Variants in SPAG16 observed in about 807,000 individuals in gnomAD.
SPAG16 encodes the protein sperm-associated antigen 16 protein.
A neutral mutation model predicts 80.4 loss-of-function variants in SPAG16; 86 were observed. The ratio of observed to expected loss-of-function variants is 1.07; its 90% CI spans 0.90 to 1.28. The LOEUF (loss-of-function observed/expected upper bound fraction) is 1.28, where lower values mean the gene tolerates loss of function less well. Among genes scored for constraint, SPAG16 ranks in the 50% most tolerant of loss-of-function variants. The probability of loss-of-function intolerance (pLI) is 0.00; values close to 1 mark genes in which losing one functional copy is unlikely to be tolerated. For missense variants in SPAG16, 870 were observed against 765.3 expected, an observed-to-expected ratio of 1.14 and a Z score of -1.61; for synonymous variants, 294 against 265.9, an observed-to-expected ratio of 1.11 and a Z score of -1.03.
intron 14 of SPAG16, among the ~76,000 whole-genome samples, chr2:214,116,465 T>C (rs374612883): frequency 2.6e-5 from 4 of 152,206 alleles, no homozygotes; most frequent in Admixed American, 2.0e-4. Flanking sequence ...ATGCTGTCTA[T>C]GCAAAGACCT....
intron 15 of SPAG16, among the ~76,000 whole-genome samples, chr2:214,172,238 C>A (rs1420214150): frequency 6.6e-6 from 1 of 151,964 alleles, no homozygotes; most frequent in Non-Finnish European, 1.5e-5. Context: ...AATGCTATCC[C>A]TCCCCACTTC....
rs189964715 is a variant in SPAG16 at position 214,019,168 on chromosome 2, C to A, written c.1527+5091C>A. Among the ~76,000 whole-genome samples the A allele has an allele frequency of 6.4e-4, 98 of 152,108 alleles. 2 individuals are homozygous for A. The highest frequency in any genetic ancestry group is 5.8e-3 in the Admixed American group (89 of 15,254). ...ACTGAATGAGAAATTATAAGGCCTA[C>A]CTAAAGGCAGTAAGAAAAGGCTCAA... On this transcript the variant is annotated intron_variant, in intron 13 of 15. Coordinates refer to ENST00000331683, the MANE Select transcript of SPAG16 (RefSeq NM_024532.5).
intron 10 of SPAG16, among the ~76,000 whole-genome samples, chr2:213,597,325 A>G (rs1466171399): frequency 6.6e-6 from 1 of 152,188 alleles, no homozygotes; most frequent in African/African-American, 2.4e-5. Flanking sequence ...CAAGTTGCTT[A>G]TAGTCTTCCT....
At chr2:214,276,948 T>G (rs1692513084) in intron 15 of SPAG16, among the ~76,000 whole-genome samples, 1 of 152,202 alleles carries the variant, frequency 6.6e-6, no homozygotes. Flanking sequence ...TAGATTTGTT[T>G]TTTTTCACAT....
At chr2:214,362,115 G>GACTT (rs1699227130) in intron 15 of SPAG16, among the ~76,000 whole-genome samples, 1 of 151,838 alleles carries the variant, frequency 6.6e-6, no homozygotes, top group Non-Finnish European at 1.5e-5. Context: ...TCATTGCAGG[G>GACTT]ACTTAGATTC....
intron 14 of SPAG16, among the ~76,000 whole-genome samples, chr2:214,137,849 C>A (rs986704794): frequency 2.6e-5 from 4 of 152,050 alleles, no homozygotes; most frequent in African/African-American, 9.7e-5. Flanking sequence ...CTACATCCAC[C>A]AGTAATACAA....
intron 8 of SPAG16, among the ~76,000 whole-genome samples, chr2:213,367,862 C>T (rs1244190243): frequency 1.1e-4 from 16 of 141,970 alleles, no homozygotes; most frequent in Non-Finnish European, 2.5e-4. Flanking sequence ...AGTCCTTGCC[C>T]ATGCCTATGT....
intron 10 of SPAG16, among the ~76,000 whole-genome samples, chr2:213,536,043 G>A (rs996252090): frequency 2.0e-5 from 3 of 152,122 alleles, no homozygotes; most frequent in African/African-American, 4.8e-5. Context: ...GTATGTGAGT[G>A]TGTGTGCACG....
intron 10 of SPAG16, among the ~76,000 whole-genome samples, chr2:213,520,961 T>C (rs920230404): frequency 1.3e-5 from 2 of 152,054 alleles, no homozygotes; most frequent in Admixed American, 6.6e-5. Flanking sequence ...CATTTTTGGG[T>C]CTTTCTTTGG....
At chr2:213,298,073 A>C (rs1296100153) in intron 3 of SPAG16, among the ~76,000 whole-genome samples, 2 of 152,162 alleles carry the variant, frequency 1.3e-5, no homozygotes, top group Non-Finnish European at 2.9e-5. Context: ...ACTTTACTGC[A>C]TATTATACCA....
At chr2:214,042,007 T>TATATATATATATATATATACAC (rs1371293247) in intron 13 of SPAG16, among the ~76,000 whole-genome samples, 1 of 101,222 alleles carries the variant, frequency 9.9e-6, no homozygotes, top group Non-Finnish European at 1.9e-5. Context: ...TATATATATA[T>TATATATATATATATATATACAC]ACACACACAC....
chr2:213,411,636 CAG>C (rs2068971159), intron 9 of SPAG16, among the ~76,000 whole-genome samples: 1 of 152,180 alleles, frequency 6.6e-6, no homozygotes, highest in African/African-American at 2.4e-5. Flanking sequence ...GCCGGTAACT[CAG>C]GGGTAAATGA....
rs548282571 is a variant in SPAG16, at chr2:214,161,314, A to T, written c.1720+12048A>T. On this transcript the variant is annotated intron_variant, in intron 15 of 15. Transcript: ENST00000331683. ...ATGATTTATATTCCTTTGGATATAT[A>T]CCCAGTAATGGGATTGCTGAATCAA... Among the ~76,000 whole-genome samples, 3 of 152,136 alleles carry T rather than the reference A, an allele frequency of 2.0e-5. No individual in the cohort carries two copies. In the South Asian group the frequency reaches 6.2e-4, roughly 32 times the overall value.
At position 213,815,565 on chromosome 2, in the gene SPAG16, T is replaced by G. The variant is rs527428271; in HGVS notation, c.1071-46920T>G. 3.9e-5 allele frequency among the ~76,000 whole-genome samples: 6 copies of G among 152,184 alleles called. No homozygotes were observed. The East Asian group carries it at 1.2e-3, about 29-fold the overall frequency. On this transcript the variant is annotated intron_variant, in intron 10 of 15. Transcript: ENST00000331683. ...TTATACAATTAGACTCCCATGAGAT[T>G]TTTTAATAAAACAAAACCACAATAG...
rs573815632 is a variant in SPAG16, at chr2:213,433,410, A to T, written c.943-56553A>T. ...TAAATGTATTTAGTAAAGTTTTATT[A>T]TACAAAATCAATTTACAAAAATCTG... On this transcript the variant is annotated intron_variant, in intron 9 of 15. Coordinates refer to ENST00000331683, the MANE Select transcript of SPAG16 (RefSeq NM_024532.5). Among the ~76,000 whole-genome samples, 8 of 152,364 alleles carry T rather than the reference A, an allele frequency of 5.3e-5. No individual in the cohort carries two copies. In the East Asian group the frequency reaches 9.6e-4, roughly 18 times the overall value.
intron 11 of SPAG16, among the ~76,000 whole-genome samples, chr2:213,917,004 T>C (rs2078001162): frequency 6.6e-6 from 1 of 152,040 alleles, no homozygotes; most frequent in Non-Finnish European, 1.5e-5. Context: ...TGTCAATCTT[T>C]TGCATCTGGC....
At chr2:214,072,356 T>C (rs2050827983) in intron 13 of SPAG16, among the ~76,000 whole-genome samples, 1 of 152,168 alleles carries the variant, frequency 6.6e-6, no homozygotes, top group Non-Finnish European at 1.5e-5. Flanking sequence ...TGTTGTATTG[T>C]TTCAAAGTTT....
At chr2:213,407,581 G>GGAGA (rs1464075512) in intron 9 of SPAG16, among the ~76,000 whole-genome samples, 7 of 145,528 alleles carry the variant, frequency 4.8e-5, no homozygotes, top group African/African-American at 1.8e-4. Flanking sequence ...CCCTACCCTA[G>GGAGA]GAGAGAGAGA....
intron 13 of SPAG16, among the ~76,000 whole-genome samples, chr2:214,026,178 T>A (rs2048118374): frequency 6.6e-6 from 1 of 151,594 alleles, no homozygotes; most frequent in African/African-American, 2.4e-5. Flanking sequence ...ACTGTTAGCA[T>A]CTTCTTATAA....
Sources: gnomAD v4.1 joint callset for allele counts (sites outside exome capture counted in the v4.1 genomes callset) on GRCh38, gnomAD v4.1.1 for gene constraint, MANE v1.5 for transcripts, NCBI Gene and HGNC (gene_info 2026-07-23, HGNC 2026-07-21) for gene names.